The following CNTN5 variants were observed in gnomAD, a reference collection of about 807,000 sequenced individuals.
CNTN5 encodes contactin-5.
In CNTN5, 77 loss-of-function variants were observed where a neutral mutation model predicts 129.1. The observed-to-expected ratio is 0.60, with a 90% CI of 0.50 to 0.72. The LOEUF (loss-of-function observed/expected upper bound fraction) is 0.72. Ranked by LOEUF, CNTN5 falls within the 30% of genes least tolerant of loss-of-function variation. The pLI, the probability that CNTN5 is intolerant of heterozygous loss-of-function variation, is 0.00. For missense variants in CNTN5, 1,478 were observed against 1,328.8 expected, an observed-to-expected ratio of 1.11 and a Z score of -1.75; for synonymous variants, 509 against 465.6, an observed-to-expected ratio of 1.09 and a Z score of -1.20.
intron 8 of CNTN5, among the ~76,000 whole-genome samples, chr11:99,958,514 C>G (rs1051714859): frequency 1.3e-5 from 2 of 152,098 alleles, no homozygotes; most frequent in African/African-American, 4.8e-5. Context: ...AATAGGTAAT[C>G]AGATACATAT....
intron 7 of CNTN5, among the ~76,000 whole-genome samples, chr11:99,919,157 T>C (rs1447853253): frequency 5.3e-5 from 8 of 152,164 alleles, no homozygotes; most frequent in African/African-American, 1.9e-4. Flanking sequence ...AGAAATCCTG[T>C]CTTTACGTGC....
At chr11:100,243,733 A>G (rs7936023) in intron 16 of CNTN5, among the ~76,000 whole-genome samples, 15,707 of 152,156 alleles carry the variant, frequency 0.1, 878 homozygotes, top group African/African-American at 0.15. Flanking sequence ...TTTTCACTTC[A>G]TATAGATTTT....
At chr11:99,404,941 G>A (rs1010554059) in intron 2 of CNTN5, among the ~76,000 whole-genome samples, 5 of 152,090 alleles carry the variant, frequency 3.3e-5, no homozygotes, top group African/African-American at 1.2e-4. Flanking sequence ...GTTTGTCTAG[G>A]AAAGCCTTTA....
At chr11:99,107,858 G>C (rs537045681) in intron 1 of CNTN5, among the ~76,000 whole-genome samples, 1 of 151,438 alleles carries the variant, frequency 6.6e-6, no homozygotes, top group African/African-American at 2.4e-5. Flanking sequence ...TTGAATTTGG[G>C]AGGCAGAGGT....
chr11:99,124,041 T>C lies in CNTN5; in HGVS notation c.-210+102771T>C, dbSNP rs377555205. Among the ~76,000 whole-genome samples the C allele has an allele frequency of 2.0e-5, 3 of 152,062 alleles. No homozygotes were observed. The South Asian group carries it at 6.2e-4, about 31-fold the overall frequency. On this transcript the variant is annotated intron_variant, in intron 1 of 24. Coordinates refer to ENST00000524871, the MANE Select transcript of CNTN5 (RefSeq NM_014361.4). The stretch of plus-strand genomic sequence containing the variant: ...CTCTTTTTTGGATCCATATGAATTG[T>C]ATTTATTGTCCTAATTCTGTGAAGA...
intron 8 of CNTN5, among the ~76,000 whole-genome samples, chr11:99,985,532 AG>A (rs1199994236): frequency 6.6e-6 from 1 of 152,154 alleles, no homozygotes; most frequent in Non-Finnish European, 1.5e-5. Flanking sequence ...TCAGTTGGTA[AG>A]AAGGCGTTTT....
intron 3 of CNTN5, among the ~76,000 whole-genome samples, chr11:99,665,001 G>T (rs1390033890): frequency 6.6e-6 from 1 of 152,026 alleles, no homozygotes; most frequent in Non-Finnish European, 1.5e-5. Flanking sequence ...TCAATTCCAA[G>T]ATACACAATA....
chr11:100,189,089 G>C (rs1948391639), intron 13 of CNTN5, among the ~76,000 whole-genome samples: 1 of 152,030 alleles, frequency 6.6e-6, no homozygotes, highest in Non-Finnish European at 1.5e-5. Flanking sequence ...GAGAGAGGGA[G>C]AAAGTGGGGC....
At chr11:99,813,253 C>T (rs1413676506) in intron 3 of CNTN5, among the ~76,000 whole-genome samples, 4 of 152,138 alleles carry the variant, frequency 2.6e-5, no homozygotes, top group Admixed American at 1.3e-4. Context: ...CAGACCCCAT[C>T]AGAGCATCAC....
chr11:99,675,529 A>G (rs1953239368), intron 3 of CNTN5, among the ~76,000 whole-genome samples: 1 of 152,060 alleles, frequency 6.6e-6, no homozygotes, highest in Admixed American at 6.6e-5. Context: ...CTAAAATATA[A>G]AAGATATTAG....
intron 3 of CNTN5, among the ~76,000 whole-genome samples, chr11:99,776,493 C>G (rs111402720): frequency 3.3e-5 from 5 of 151,662 alleles, no homozygotes; most frequent in African/African-American, 1.2e-4. Context: ...CTATTAATGA[C>G]TTACATAACT....
chr11:99,053,808 T>G (rs1864521731), intron 1 of CNTN5, among the ~76,000 whole-genome samples: 1 of 151,950 alleles, frequency 6.6e-6, no homozygotes, highest in Non-Finnish European at 1.5e-5. Flanking sequence ...AAGTGAGAGT[T>G]TTAAGTTTTG....
chr11:99,999,250 C>T (rs1221637362), intron 8 of CNTN5, among the ~76,000 whole-genome samples: 1 of 152,128 alleles, frequency 6.6e-6, no homozygotes, highest in Non-Finnish European at 1.5e-5. Flanking sequence ...TTTTCACAAC[C>T]TACTCATCTG....
chr11:99,159,956 A>G (rs768015227), intron 1 of CNTN5, among the ~76,000 whole-genome samples: 5 of 152,196 alleles, frequency 3.3e-5, no homozygotes, highest in Admixed American at 2.0e-4. Flanking sequence ...TTTAATATTT[A>G]TCAACCTCCC....
intron 1 of CNTN5, among the ~76,000 whole-genome samples, chr11:99,245,105 C>A (rs534647021): frequency 6.6e-6 from 1 of 152,262 alleles, no homozygotes; most frequent in Non-Finnish European, 1.5e-5. Flanking sequence ...ATTCATATCA[C>A]TGTCAAACTG....
At chr11:100,282,080 G>T (rs1342559899) in intron 18 of CNTN5, among the ~76,000 whole-genome samples, 1 of 150,248 alleles carries the variant, frequency 6.7e-6, no homozygotes, top group Non-Finnish European at 1.5e-5. Context: ...GTTTCTCCAG[G>T]ATTGGTCCCC....
chr11:99,398,172 G>A (rs1193988150), intron 2 of CNTN5, among the ~76,000 whole-genome samples: 1 of 151,652 alleles, frequency 6.6e-6, no homozygotes, highest in East Asian at 1.9e-4. Context: ...CACCCACTTT[G>A]GACAAACTTT....
intron 2 of CNTN5, among the ~76,000 whole-genome samples, chr11:99,529,344 T>C (rs922609512): frequency 6.6e-6 from 1 of 152,148 alleles, no homozygotes; most frequent in African/African-American, 2.4e-5. Context: ...TAAAACTAAG[T>C]CCACAAATCT....
At chr11:99,572,942 G>A (rs184486055) in intron 3 of CNTN5, among the ~76,000 whole-genome samples, 10 of 152,100 alleles carry the variant, frequency 6.6e-5, no homozygotes, top group East Asian at 3.9e-4. Context: ...GCCAGCATGC[G>A]GGAGAACAGT....
Sources: allele counts gnomAD v4.1 joint callset (sites outside exome capture counted in the v4.1 genomes callset), GRCh38; gene constraint gnomAD v4.1.1; transcripts MANE v1.5; gene names NCBI Gene and HGNC (gene_info 2026-07-23, HGNC 2026-07-21).